PTPRT: variants seen among roughly 807,000 people sequenced by gnomAD.
The protein encoded by PTPRT is receptor-type tyrosine-protein phosphatase T.
In PTPRT, 56 loss-of-function variants were observed where a neutral mutation model predicts 176.8. That is an observed-to-expected ratio of 0.32 (90% confidence interval 0.26 to 0.40). The LOEUF (loss-of-function observed/expected upper bound fraction) is 0.40, where lower values mean the gene tolerates loss of function less well. Among genes scored for constraint, PTPRT ranks in the 10% least tolerant of loss-of-function variants. The pLI is 1.00. For missense variants in PTPRT, 1,540 were observed against 1,908.2 expected (o/e 0.81, Z 3.60); for synonymous variants, 783 against 739.0 (o/e 1.06, Z -0.96).
intron 13 of PTPRT, among the ~76,000 whole-genome samples, chr20:42,265,216 T>G (rs921670699): frequency 1.3e-5 from 2 of 152,196 alleles, no homozygotes; most frequent in Non-Finnish European, 2.9e-5. Flanking sequence ...TATTTCCCAA[T>G]GCTGGCTCAG....
At chr20:42,516,854 C>T (rs555159331) in intron 7 of PTPRT, among the ~76,000 whole-genome samples, 77 of 152,236 alleles carry the variant, frequency 5.1e-4, no homozygotes, top group African/African-American at 1.8e-3. Context: ...ATTTTATCTA[C>T]ATAATAAGCT....
At chr20:42,206,736 A>G (rs2055477077) in intron 15 of PTPRT, among the ~76,000 whole-genome samples, 1 of 152,262 alleles carries the variant, frequency 6.6e-6, no homozygotes, top group African/African-American at 2.4e-5. Flanking sequence ...AGGCTTGCTT[A>G]GATAAACAAA....
chr20:42,763,223 T>A (rs2076940032), intron 5 of PTPRT, among the ~76,000 whole-genome samples: 1 of 152,214 alleles, frequency 6.6e-6, no homozygotes, highest in Admixed American at 6.5e-5. Flanking sequence ...GTCATGACAT[T>A]ATTTCCTTCA....
In PTPRT at chr20:42,820,839, T is replaced by C. The variant is rs138432696; in HGVS notation, c.215-29373A>G. Among the ~76,000 whole-genome samples the C allele has an allele frequency of 4.0e-3, 604 of 152,236 alleles. 3 individuals carry two copies. Among genetic ancestry groups the C allele is most frequent in the Non-Finnish European group, 6.3e-3 (430 of 68,016 alleles). On this transcript the variant is annotated intron_variant, in intron 2 of 30. Transcript: ENST00000373187. ...AGAAATTGATAAATTCCTGGACGCATACACTCAACCAAGACTAAACCAGGA... is the reference window on the plus strand; with the variant it reads ...AGAAATTGATAAATTCCTGGACGCACACACTCAACCAAGACTAAACCAGGA...
At chr20:42,917,654 CT>C (rs1202047140) in intron 1 of PTPRT, among the ~76,000 whole-genome samples, 2 of 152,126 alleles carry the variant, frequency 1.3e-5, no homozygotes, top group African/African-American at 4.8e-5. Flanking sequence ...GCATTGCCCC[CT>C]ATCTTCCCAT....
At chr20:42,852,042 C>T (rs1286412959) in intron 2 of PTPRT, among the ~76,000 whole-genome samples, 3 of 152,184 alleles carry the variant, frequency 2.0e-5, no homozygotes, top group East Asian at 1.9e-4. Context: ...TTTTATTTCA[C>T]TAGCCACTAA....
chr20:42,683,232 C>T (rs566188961), intron 6 of PTPRT, among the ~76,000 whole-genome samples: 64 of 148,064 alleles, frequency 4.3e-4, no homozygotes, highest in Non-Finnish European at 7.2e-4. Context: ...TTGTCTGTGC[C>T]ATTTTTCCCA....
Position 42,184,574 on chromosome 20 carries a change from T to TTCTTCTTCTTCTTCTTCTTCTTCTTCC in PTPRT, c.2491+14665_2491+14666insGGAAGAAGAAGAAGAAGAAGAAGAAGA, listed in dbSNP as rs1990673576. Among the ~76,000 whole-genome samples, 10 of 138,460 alleles carry TTCTTCTTCTTCTTCTTCTTCTTCTTCC rather than the reference T, an allele frequency of 7.2e-5. 1 individual carries two copies. Among genetic ancestry groups the TTCTTCTTCTTCTTCTTCTTCTTCTTCC allele is most frequent in the African/African-American group, 2.5e-4 (9 of 35,910 alleles). The allele number at this position is 138,460 out of a possible 152,430, so 90.8% of individuals were successfully genotyped here. A position where few individuals can be genotyped will look rare whatever the true frequency, so the allele number is the denominator to read the frequency against. ...CTTCTTCTTCTTATTCTTCTTCTTC[T>TTCTTCTTCTTCTTCTTCTTCTTCTTCC]TCTTCTTCTTCTTCTTCTTCCTCTT... On this transcript the variant is annotated intron_variant, in intron 16 of 30. Transcript: ENST00000373187.
intron 7 of PTPRT, among the ~76,000 whole-genome samples, chr20:42,504,503 A>G (rs1022885608): frequency 1.3e-5 from 2 of 152,196 alleles, no homozygotes; most frequent in African/African-American, 2.4e-5. Flanking sequence ...TCTTATTTTA[A>G]TAAAATAATT....
chr20:43,087,676 T>C (rs1381206357), intron 1 of PTPRT, among the ~76,000 whole-genome samples: 1 of 152,142 alleles, frequency 6.6e-6, no homozygotes, highest in Non-Finnish European at 1.5e-5. Flanking sequence ...CATTGTTCTT[T>C]TCAGGGGCCT....
intron 16 of PTPRT, among the ~76,000 whole-genome samples, chr20:42,166,850 G>T (rs1989846066): frequency 6.6e-6 from 1 of 152,068 alleles, no homozygotes; most frequent in South Asian, 2.1e-4. Flanking sequence ...GAACCAGGGA[G>T]GTGGAAGTTG....
Position 42,393,210 on chromosome 20 carries a change from C to T in PTPRT, c.1561-40925G>A, listed in dbSNP as rs143971116. ...GGCTGGGGGAAGGTGAGATATCCTC[C>T]TACTTCTGCTGTCTACCCAAATGCC... On this transcript the variant is annotated intron_variant, in intron 9 of 30. Coordinates refer to ENST00000373187, the MANE Select transcript of PTPRT (RefSeq NM_007050.6). Among the ~76,000 whole-genome samples the T allele has an allele frequency of 8.6e-3, 1,312 of 152,236 alleles. 10 individuals carry two copies. Among genetic ancestry groups the T allele is most frequent in the Non-Finnish European group, 0.011 (781 of 68,006 alleles).
At chr20:43,021,165 C>T (rs1985662961) in intron 1 of PTPRT, among the ~76,000 whole-genome samples, 1 of 152,166 alleles carries the variant, frequency 6.6e-6, no homozygotes, top group African/African-American at 2.4e-5. Context: ...TTAATACCTA[C>T]TCAAAGGAGA....
chr20:42,074,476 C>T lies in PTPRT; in HGVS notation c.*6403G>A. 3.2e-6 allele frequency: 1 copy of T among 312,920 alleles called. No homozygotes were observed. Among genetic ancestry groups the T allele is most frequent in the Non-Finnish European group, 5.8e-6 (1 of 171,630 alleles). 19.4% of individuals were successfully genotyped at this position (312,920 alleles called of 1,614,324 possible). The stretch of plus-strand genomic sequence containing the variant: ...TGTCCAACACTTCAAGGCCACCAGA[C>T]ACTCATTCTCCGAACATTCCAATTA... On this transcript the variant is annotated 3_prime_UTR_variant, in exon 31 of 31. Transcript: ENST00000373187.
chr20:43,077,519 A>G (rs193011986), intron 1 of PTPRT, among the ~76,000 whole-genome samples: 91 of 152,306 alleles, frequency 6.0e-4, no homozygotes, highest in Admixed American at 2.9e-3. Context: ...CTTCAGCCAA[A>G]GCCCCTAAAA....
At chr20:42,907,956 T>C (rs2079499213) in intron 1 of PTPRT, among the ~76,000 whole-genome samples, 2 of 151,864 alleles carry the variant, frequency 1.3e-5, no homozygotes, top group African/African-American at 4.8e-5. Context: ...CTGAAGCCAA[T>C]GAAAGAGAAG....
chr20:42,186,673 G>A (rs1377427328), intron 16 of PTPRT, among the ~76,000 whole-genome samples: 1 of 152,068 alleles, frequency 6.6e-6, no homozygotes, highest in Non-Finnish European at 1.5e-5. Context: ...TTAACCCAGG[G>A]ATGAGTGGTA....
intron 17 of PTPRT, among the ~76,000 whole-genome samples, chr20:42,142,744 A>G (rs941019777): frequency 2.6e-5 from 4 of 152,238 alleles, no homozygotes; most frequent in Admixed American, 6.5e-5. Flanking sequence ...ACAACAATAT[A>G]CTACAAGTTA....
At chr20:42,740,467 G>A (rs573008988) in intron 6 of PTPRT, among the ~76,000 whole-genome samples, 4 of 152,258 alleles carry the variant, frequency 2.6e-5, no homozygotes, top group East Asian at 1.9e-4. Flanking sequence ...AGCCCCTGCC[G>A]AGTCCTCCTG....
Sources: allele counts gnomAD v4.1 joint callset (sites outside exome capture counted in the v4.1 genomes callset), GRCh38; gene constraint gnomAD v4.1.1; transcripts MANE v1.5; gene names NCBI Gene and HGNC (gene_info 2026-07-23, HGNC 2026-07-21).